Variants in GABRB1 observed in about 807,000 individuals in gnomAD.
GABRB1 encodes the protein gamma-aminobutyric acid receptor subunit beta-1.
A neutral mutation model predicts 51.6 loss-of-function variants in GABRB1; 17 were observed. The ratio of observed to expected loss-of-function variants is 0.33; its 90% CI spans 0.23 to 0.49. GABRB1 has a LOEUF of 0.49. GABRB1 is among the 20% of genes least tolerant of loss of function. The pLI, the probability that GABRB1 is intolerant of heterozygous loss-of-function variation, is 0.99. For synonymous variants in GABRB1, 247 were observed against 218.9 expected (o/e 1.13, Z -1.14); for missense variants, 410 against 600.6 (o/e 0.68, Z 3.32).
At chr4:47,243,424 A>G (rs1578028175) in intron 4 of GABRB1, among the ~76,000 whole-genome samples, 2 of 152,306 alleles carry the variant, frequency 1.3e-5, no homozygotes, top group East Asian at 3.9e-4. Flanking sequence ...TTCTGTGAAG[A>G]AAGTCATTGG....
intron 1 of GABRB1, among the ~76,000 whole-genome samples, chr4:47,023,221 G>T (rs187038338): frequency 6.6e-6 from 1 of 151,996 alleles, no homozygotes; most frequent in Non-Finnish European, 1.5e-5. Flanking sequence ...TTCGTTAACG[G>T]ATACAAAAAC....
At chr4:47,082,776 A>G (rs1437959730) in intron 3 of GABRB1, among the ~76,000 whole-genome samples, 2 of 152,146 alleles carry the variant, frequency 1.3e-5, no homozygotes, top group Non-Finnish European at 2.9e-5. Flanking sequence ...TATGCAGAAT[A>G]GATGCATCTA....
At chr4:47,346,917 GGATGAGTGTAACATCTTGTT>G (rs1726118213) in intron 5 of GABRB1, among the ~76,000 whole-genome samples, 1 of 152,312 alleles carries the variant, frequency 6.6e-6, no homozygotes, top group Non-Finnish European at 1.5e-5. Context: ...CTGGACTGGA[GGATGAGTGTAACATCTTGTT>G]ATTCTTTGAC....
At chr4:47,213,854 A>G (rs1369775372) in intron 4 of GABRB1, among the ~76,000 whole-genome samples, 1 of 150,798 alleles carries the variant, frequency 6.6e-6, no homozygotes, top group Non-Finnish European at 1.5e-5. Flanking sequence ...TTTTCTGTTC[A>G]GGAAGTACAG....
At position 47,101,613 on chromosome 4, in the gene GABRB1, C is replaced by T. The variant is rs140209634; in HGVS notation, c.241-59636C>T. Among the ~76,000 whole-genome samples, 8 of 152,128 alleles carry T rather than the reference C, an allele frequency of 5.3e-5. No homozygotes were observed. The East Asian group carries it at 1.5e-3, about 29-fold the overall frequency. ...AGAGAATGGAAGAAAAAAATCCCTT[C>T]TGTCTGAGATCATCCCTGCTGACTC... On this transcript the variant is annotated intron_variant, in intron 3 of 8. Coordinates refer to ENST00000295454, the MANE Select transcript of GABRB1 (RefSeq NM_000812.4).
chr4:47,147,550 G>A (rs1229290049), intron 3 of GABRB1, among the ~76,000 whole-genome samples: 1 of 152,106 alleles, frequency 6.6e-6, no homozygotes, highest in Non-Finnish European at 1.5e-5. Context: ...TTCTAGTGGA[G>A]GAAATAAAAG....
At chr4:47,381,362 G>T (rs1285107319) in intron 5 of GABRB1, among the ~76,000 whole-genome samples, 1 of 152,148 alleles carries the variant, frequency 6.6e-6, no homozygotes, top group Non-Finnish European at 1.5e-5. Flanking sequence ...CCAGTGATGT[G>T]CTCAAGACTT....
intron 1 of GABRB1, among the ~76,000 whole-genome samples, chr4:47,004,603 G>A (rs1724330952): frequency 6.6e-6 from 1 of 152,130 alleles, no homozygotes; most frequent in South Asian, 2.1e-4. Flanking sequence ...AGGGTTGAAT[G>A]GGAAGAGTTT....
At chr4:47,259,145 C>A (rs1488968011) in intron 4 of GABRB1, among the ~76,000 whole-genome samples, 1 of 152,018 alleles carries the variant, frequency 6.6e-6, no homozygotes, top group Non-Finnish European at 1.5e-5. Flanking sequence ...TTTGAGAGAG[C>A]CCCATTTAAC....
At chr4:47,359,010 A>G (rs758193516) in intron 5 of GABRB1, among the ~76,000 whole-genome samples, 4 of 152,156 alleles carry the variant, frequency 2.6e-5, no homozygotes, top group Non-Finnish European at 5.9e-5. Context: ...ATGATGCCCA[A>G]CTACATAGAA....
chr4:47,180,245 A>G (rs914338903), intron 4 of GABRB1, among the ~76,000 whole-genome samples: 2 of 152,084 alleles, frequency 1.3e-5, no homozygotes, highest in Non-Finnish European at 2.9e-5. Flanking sequence ...TTCCAGAAAA[A>G]TCTATTCCAA....
intron 3 of GABRB1, among the ~76,000 whole-genome samples, chr4:47,100,151 G>A (rs1442647329): frequency 6.6e-6 from 1 of 151,896 alleles, no homozygotes; most frequent in Admixed American, 6.6e-5. Context: ...TCTAATTAAA[G>A]TGCAATAAAA....
At chr4:47,303,796 G>A (rs1403788650) in intron 4 of GABRB1, among the ~76,000 whole-genome samples, 1 of 151,874 alleles carries the variant, frequency 6.6e-6, no homozygotes, top group Non-Finnish European at 1.5e-5. Context: ...ATTAACTAGA[G>A]TGACTGATTA....
intron 4 of GABRB1, among the ~76,000 whole-genome samples, chr4:47,261,061 G>A (rs532508143): frequency 9.9e-5 from 15 of 152,202 alleles, no homozygotes; most frequent in African/African-American, 3.6e-4. Flanking sequence ...AAAATAATAA[G>A]ACCTATCTAT....
intron 3 of GABRB1, among the ~76,000 whole-genome samples, chr4:47,096,953 T>C (rs1232168112): frequency 6.6e-6 from 1 of 152,152 alleles, no homozygotes. Flanking sequence ...GGTAGCCAAA[T>C]TGTATCATTT....
intron 4 of GABRB1, among the ~76,000 whole-genome samples, chr4:47,306,313 A>C (rs114552657): frequency 0.047 from 4,334 of 93,086 alleles, 73 homozygotes; most frequent in Middle Eastern, 0.12. Flanking sequence ...TGGGAAGAGG[A>C]GGGGTGGGGT....
chr4:47,199,569 C>G (rs1020962195), intron 4 of GABRB1, among the ~76,000 whole-genome samples: 1 of 152,048 alleles, frequency 6.6e-6, no homozygotes, highest in African/African-American at 2.4e-5. Flanking sequence ...CTGGAAGAGA[C>G]AGACAGAGGA....
chr4:47,061,039 A>C (rs1257917600), intron 3 of GABRB1, among the ~76,000 whole-genome samples: 2 of 152,204 alleles, frequency 1.3e-5, no homozygotes, highest in Non-Finnish European at 2.9e-5. Flanking sequence ...AGTTACTAAA[A>C]AATAACTATC....
At chr4:47,408,184 C>G (rs1295995309) in intron 8 of GABRB1, among the ~76,000 whole-genome samples, 2 of 152,158 alleles carry the variant, frequency 1.3e-5, no homozygotes, top group African/African-American at 2.4e-5. Flanking sequence ...GGTAAGACCT[C>G]TCTGTGGAAT....
Sources: gnomAD v4.1 joint callset for allele counts (sites outside exome capture counted in the v4.1 genomes callset) on GRCh38, gnomAD v4.1.1 for gene constraint, MANE v1.5 for transcripts, NCBI Gene and HGNC (gene_info 2026-07-23, HGNC 2026-07-21) for gene names.